Variants in ETS1 observed in about 807,000 individuals in gnomAD.
The protein encoded by ETS1 is protein C-ets-1.
In ETS1, 15 loss-of-function variants were observed where a neutral mutation model predicts 58.6. The ratio of observed to expected loss-of-function variants is 0.26; its 90% CI spans 0.17 to 0.39. The LOEUF is 0.39. ETS1 is among the 10% of genes least tolerant of loss of function. The pLI is 1.00. For missense variants in ETS1, 417 were observed against 610.5 expected (o/e 0.68, Z 3.34); for synonymous variants, 214 against 218.2 (o/e 0.98, Z 0.17).
At chr11:128,524,325 G>A (rs1396092220) in intron 3 of ETS1, among the ~76,000 whole-genome samples, 4 of 152,178 alleles carry the variant, frequency 2.6e-5, no homozygotes, top group Non-Finnish European at 5.9e-5. Context: ...CTGAAGCACA[G>A]AAACAAAATG....
At chr11:128,470,876 G>A (rs574837287) in intron 8 of ETS1, among the ~76,000 whole-genome samples, 1 of 152,190 alleles carries the variant, frequency 6.6e-6, no homozygotes, top group Admixed American at 6.5e-5. Flanking sequence ...TTTAAGTTAG[G>A]GAAGACTCTG....
At chr11:128,492,831 G>A (rs569590787) in intron 3 of ETS1, among the ~76,000 whole-genome samples, 1 of 152,288 alleles carries the variant, frequency 6.6e-6, no homozygotes, top group African/African-American at 2.4e-5. Flanking sequence ...GTTAACCAGA[G>A]AGTATTGCTT....
intron 5 of ETS1, among the ~76,000 whole-genome samples, chr11:128,488,931 C>G (rs1215033735): frequency 6.6e-6 from 1 of 151,914 alleles, no homozygotes; most frequent in East Asian, 1.9e-4. Flanking sequence ...TTGCAGAAAA[C>G]AAAAACAAAA....
intron 1 of ETS1, among the ~76,000 whole-genome samples, chr11:128,586,382 C>G (rs1014706090): frequency 6.6e-6 from 1 of 151,856 alleles, no homozygotes; most frequent in Non-Finnish European, 1.5e-5. Flanking sequence ...CAGTGGCCAC[C>G]CTGCAGCCCT....
intron 2 of ETS1, among the ~76,000 whole-genome samples, chr11:128,571,501 CAAAAAAAAAA>C (rs563312769): frequency 0.015 from 487 of 32,900 alleles, 74 homozygotes; most frequent in African/African-American, 0.055. Flanking sequence ...AAGACTCCGT[CAAAAAAAAAA>C]AAAAAAAAAA....
intron 3 of ETS1, among the ~76,000 whole-genome samples, chr11:128,502,241 CT>C (rs943961066): frequency 6.6e-5 from 10 of 152,312 alleles, no homozygotes; most frequent in Admixed American, 5.9e-4. Context: ...AAATGGGCTT[CT>C]TTTTTCTTCG....
chr11:128,541,341 G>C (rs1864055481), intron 3 of ETS1, among the ~76,000 whole-genome samples: 1 of 152,192 alleles, frequency 6.6e-6, no homozygotes, highest in Non-Finnish European at 1.5e-5. Context: ...CCCTAAACCA[G>C]TCAGTAACTT....
intron 3 of ETS1, among the ~76,000 whole-genome samples, chr11:128,542,967 G>T (rs988439995): frequency 6.6e-6 from 1 of 152,114 alleles, no homozygotes; most frequent in Non-Finnish European, 1.5e-5. Context: ...GAGGTCAGGA[G>T]TTCAGGACCA....
intron 2 of ETS1, 140 bp downstream of exon 2, chr11:128,572,922 C>T: frequency 1.6e-6 from 1 of 620,168 alleles, no homozygotes; most frequent in South Asian, 2.0e-5. Context: ...TTGACATCCT[C>T]CAAAAGATTC....
intron 2 of ETS1, chr11:128,572,002 C>T (rs1283600898): frequency 5.3e-5 from 8 of 152,040 alleles, no homozygotes; most frequent in African/African-American, 1.9e-4. Flanking sequence ...AGAGATCAAA[C>T]CACTGCACTC....
intron 3 of ETS1, among the ~76,000 whole-genome samples, chr11:128,529,328 G>A (rs1271096244): frequency 6.6e-6 from 1 of 152,178 alleles, no homozygotes; most frequent in Non-Finnish European, 1.5e-5. Flanking sequence ...GGTATGGGTT[G>A]GAAGTAGAAA....
At chr11:128,509,788 T>C (rs998637045) in intron 3 of ETS1, among the ~76,000 whole-genome samples, 1 of 152,132 alleles carries the variant, frequency 6.6e-6, no homozygotes, top group Non-Finnish European at 1.5e-5. Context: ...AGGTCTAAGA[T>C]CAAATTTATG....
chr11:128,517,669 T>C (rs181750235), intron 3 of ETS1, among the ~76,000 whole-genome samples: 11 of 152,314 alleles, frequency 7.2e-5, no homozygotes, highest in Non-Finnish European at 1.2e-4. Flanking sequence ...ACTGTAACCA[T>C]TGCAGAGTTA....
intron 2 of ETS1, among the ~76,000 whole-genome samples, chr11:128,569,526 G>A (rs1023431884): frequency 1.3e-5 from 2 of 151,072 alleles, no homozygotes; most frequent in Admixed American, 6.6e-5. Context: ...ACCCCTCCAG[G>A]GTATCTTAGA....
At chr11:128,521,301 A>G (rs1863661119) in intron 3 of ETS1, among the ~76,000 whole-genome samples, 1 of 152,214 alleles carries the variant, frequency 6.6e-6, no homozygotes, top group African/African-American at 2.4e-5. Flanking sequence ...GATTAGAAAC[A>G]TGGGTAAAGT....
chr11:128,458,900 GC>G lies in ETS1; in HGVS notation c.*3460del, dbSNP rs1861834855. Reference sequence around the variant, plus strand: ...CTAAAATAAACAAACAAAAAACTCCGCCATAAGAATTTTTTTGCATTTTTTT... The same window carrying G: ...CTAAAATAAACAAACAAAAAACTCCGCATAAGAATTTTTTTGCATTTTTTT... On this transcript the variant is annotated 3_prime_UTR_variant, in exon 10 of 10. Transcript: ENST00000392668. The surrounding 1 kb of genome is among the most constrained non-coding windows in gnomAD (Gnocchi z 4.3). The G allele has an allele frequency of 6.6e-6, 1 of 152,208 alleles. No homozygotes were observed. Among genetic ancestry groups the G allele is most frequent in the Non-Finnish European group, 1.5e-5 (1 of 67,930 alleles). 9.4% of individuals were successfully genotyped at this position (152,208 alleles called of 1,614,324 possible).
At chr11:128,560,033 C>A (rs1591662720) in intron 2 of ETS1, among the ~76,000 whole-genome samples, 1 of 152,352 alleles carries the variant, frequency 6.6e-6, no homozygotes, top group East Asian at 1.9e-4. Context: ...ACCCATCCCA[C>A]AGGTGATTGC....
At chr11:128,498,902 G>T (rs1324617558) in intron 3 of ETS1, among the ~76,000 whole-genome samples, 1 of 152,136 alleles carries the variant, frequency 6.6e-6, no homozygotes, top group African/African-American at 2.4e-5. Context: ...CCCACCACAT[G>T]ACATACTTTA....
chr11:128,565,733 C>T (rs1167048672), intron 2 of ETS1, among the ~76,000 whole-genome samples: 1 of 152,218 alleles, frequency 6.6e-6, no homozygotes, highest in Non-Finnish European at 1.5e-5. Flanking sequence ...CATTATGTTT[C>T]AGCAGTCTCA....
Sources: gnomAD v4.1 joint callset for allele counts (sites outside exome capture counted in the v4.1 genomes callset) on GRCh38, gnomAD v4.1.1 for gene constraint, Gnocchi (gnomAD v3.1) non-coding constraint, MANE v1.5 for transcripts, NCBI Gene and HGNC (gene_info 2026-07-23, HGNC 2026-07-21) for gene names.